Variants in ACVR1C observed in about 807,000 individuals in gnomAD.
ACVR1C encodes activin A receptor type 1C, also known as activin receptor type-1C.
A neutral mutation model predicts 57.9 loss-of-function variants in ACVR1C; 23 were observed. The ratio of observed to expected loss-of-function variants is 0.40; its 90% CI spans 0.29 to 0.56. The LOEUF is 0.56. Among genes scored for constraint, ACVR1C ranks in the 20% least tolerant of loss-of-function variants. The pLI is 0.50. For missense variants in ACVR1C, 480 were observed against 607.9 expected, an observed-to-expected ratio of 0.79 and a Z score of 2.21; for synonymous variants, 214 against 215.3, an observed-to-expected ratio of 0.99 and a Z score of 0.05.
intron 7 of ACVR1C, among the ~76,000 whole-genome samples, chr2:157,540,082 C>T (rs1181418394): frequency 6.6e-6 from 1 of 152,186 alleles, no homozygotes; most frequent in Non-Finnish European, 1.5e-5. Flanking sequence ...GTACTAAAAG[C>T]TTCACATGAA....
chr2:157,581,054 A>G (rs905625167), intron 2 of ACVR1C, among the ~76,000 whole-genome samples: 2 of 152,192 alleles, frequency 1.3e-5, no homozygotes, highest in African/African-American at 4.8e-5. Flanking sequence ...TTTGGCCCCA[A>G]AAACCTAATC....
At chr2:157,594,926 C>T (rs368219021) in intron 1 of ACVR1C, among the ~76,000 whole-genome samples, 16 of 152,256 alleles carry the variant, frequency 1.1e-4, no homozygotes, top group African/African-American at 3.6e-4. Context: ...ATGGAAAGGA[C>T]ACGTATGATG....
In ACVR1C at chr2:157,626,749, C is replaced by T. The variant is rs114977578; in HGVS notation, c.73+1823G>A. Among the ~76,000 whole-genome samples, 856 of 152,222 alleles carry T rather than the reference C, an allele frequency of 5.6e-3. 7 individuals carry two copies. The highest frequency in any genetic ancestry group is 0.019 in the African/African-American group (808 of 41,542). Reference sequence around the variant, plus strand: ...AGTTAAGAATAAATACTATAAGTAGCAATATACATTGTTAACGTGGGACAC... The same window carrying T: ...AGTTAAGAATAAATACTATAAGTAGTAATATACATTGTTAACGTGGGACAC... On this transcript the variant is annotated intron_variant, in intron 1 of 8. Transcript: ENST00000243349.
chr2:157,566,382 T>A (rs1688379069), intron 2 of ACVR1C, among the ~76,000 whole-genome samples: 1 of 152,164 alleles, frequency 6.6e-6, no homozygotes. Context: ...TAGGAACAGC[T>A]CCGGTCTATA....
chr2:157,583,337 C>T (rs1688834571), intron 2 of ACVR1C, among the ~76,000 whole-genome samples: 1 of 152,204 alleles, frequency 6.6e-6, no homozygotes, highest in Non-Finnish European at 1.5e-5. Context: ...AAGACCTGTT[C>T]TCTGATAACT....
intron 1 of ACVR1C, among the ~76,000 whole-genome samples, chr2:157,616,146 C>T (rs1480746398): frequency 2.0e-5 from 3 of 152,096 alleles, no homozygotes; most frequent in South Asian, 2.1e-4. Flanking sequence ...TCCATTTACA[C>T]ATATTTTATA....
chr2:157,597,445 AG>A, intron 1 of ACVR1C: 1 of 985,452 alleles, frequency 1.0e-6, no homozygotes, highest in Non-Finnish European at 1.2e-6. Context: ...GAATTTGCGA[AG>A]GGACACCCTG....
rs1688093573 is a variant in ACVR1C, at chr2:157,556,132, C to A, written c.505G>T (p.Asp169Tyr). 5.0e-6 allele frequency: 8 copies of A among 1,613,974 alleles called. No homozygotes were observed. Among genetic ancestry groups the A allele is most frequent in the South Asian group, 2.2e-5 (2 of 91,080 alleles). ...GAGGCGGTCACATCATAAATCAGAT[C>A]TTTCAGAGTTTTTCCAGCATTTACC... ...NLVNAGKTLK[D>Y]LIYDVTASGS... The change falls in exon 3 of 9, where the codon GAT (aspartate) becomes TAT (tyrosine). Residue 169 changes from aspartate to tyrosine, a missense_variant. By Grantham distance (160) the Asp-to-Tyr change is radical (BLOSUM62 -3). Transcript: ENST00000243349.
At chr2:157,570,496 G>C in intron 2 of ACVR1C, among the ~76,000 whole-genome samples, 1 of 76,208 alleles carries the variant, frequency 1.3e-5, no homozygotes, top group East Asian at 3.1e-4. Context: ...TCCTTAAGCT[G>C]ATAAGCAACT....
At chr2:157,617,806 T>C (rs1419986803) in intron 1 of ACVR1C, among the ~76,000 whole-genome samples, 8 of 151,974 alleles carry the variant, frequency 5.3e-5, no homozygotes, top group African/African-American at 1.9e-4. Context: ...CAAAATTATA[T>C]AATAAAACAA....
intron 1 of ACVR1C, among the ~76,000 whole-genome samples, chr2:157,617,723 C>T (rs1682684663): frequency 6.6e-6 from 1 of 151,776 alleles, no homozygotes; most frequent in African/African-American, 2.4e-5. Flanking sequence ...GTGTAATTTA[C>T]TTGGAGATGC....
intron 2 of ACVR1C, among the ~76,000 whole-genome samples, chr2:157,566,246 C>T (rs1573924726): frequency 6.6e-6 from 1 of 152,292 alleles, no homozygotes; most frequent in Middle Eastern, 3.4e-3. Flanking sequence ...CTCTCTGTTT[C>T]CCCAGCACAT....
intron 1 of ACVR1C, among the ~76,000 whole-genome samples, chr2:157,607,579 C>T (rs1289002862): frequency 2.0e-5 from 3 of 151,450 alleles, no homozygotes; most frequent in Non-Finnish European, 4.4e-5. Context: ...TTAACAATAC[C>T]TACTCTTCAG....
intron 2 of ACVR1C, among the ~76,000 whole-genome samples, chr2:157,575,477 A>C (rs1345309769): frequency 6.6e-6 from 1 of 152,120 alleles, no homozygotes; most frequent in Non-Finnish European, 1.5e-5. Flanking sequence ...CCACCTGGCC[A>C]AGGCTGGTCT....
At position 157,527,357 on chromosome 2, in the gene ACVR1C, C is replaced by A. The variant is rs936646065; in HGVS notation, c.*6561G>T. Reference sequence around the variant, plus strand: ...ATACTTAAGAGTATCAGCTAGCTTACAAAAAGTCTTTACAACGGTGATTCT... The same window carrying A: ...ATACTTAAGAGTATCAGCTAGCTTAAAAAAAGTCTTTACAACGGTGATTCT... On this transcript the variant is annotated 3_prime_UTR_variant, in exon 9 of 9. Coordinates refer to ENST00000243349, the MANE Select transcript of ACVR1C (RefSeq NM_145259.3). 6.6e-6 allele frequency: 1 copy of A among 152,070 alleles called. No homozygotes were observed. Among genetic ancestry groups the A allele is most frequent in the Non-Finnish European group, 1.5e-5 (1 of 68,000 alleles). 9.4% of individuals were successfully genotyped at this position (152,070 alleles called of 1,614,324 possible).
chr2:157,605,693 G>A (rs1169745599), intron 1 of ACVR1C, among the ~76,000 whole-genome samples: 1 of 151,512 alleles, frequency 6.6e-6, no homozygotes, highest in Non-Finnish European at 1.5e-5. Flanking sequence ...TGACACATAA[G>A]GTCTTATTTA....
At chr2:157,623,186 A>G (rs1038179937) in intron 1 of ACVR1C, among the ~76,000 whole-genome samples, 3 of 152,190 alleles carry the variant, frequency 2.0e-5, no homozygotes, top group Admixed American at 6.5e-5. Context: ...AACCACTAAG[A>G]AGAACCCTTT....
chr2:157,562,498 A>G (rs1385734594), intron 2 of ACVR1C, among the ~76,000 whole-genome samples: 2 of 146,966 alleles, frequency 1.4e-5, no homozygotes, highest in African/African-American at 4.9e-5. Context: ...ATAAAATAAA[A>G]TAAAATAAAA....
Position 157,628,672 on chromosome 2 carries a change from C to A in ACVR1C, c.-28G>T, listed in dbSNP as rs1459373806. Reference sequence around the variant, plus strand: ...CCACCAGGCGGCCGCGCCGGGGCTGCGAGGCCCCAGAGCAGAGCGAGGCAG... The same window carrying A: ...CCACCAGGCGGCCGCGCCGGGGCTGAGAGGCCCCAGAGCAGAGCGAGGCAG... On this transcript the variant is annotated 5_prime_UTR_variant, in exon 1 of 9. Coordinates refer to ENST00000243349, the MANE Select transcript of ACVR1C (RefSeq NM_145259.3). 1.9e-6 allele frequency: 3 copies of A among 1,540,962 alleles called. No individual in the cohort carries two copies. The highest frequency in any genetic ancestry group is 2.6e-6 in the Non-Finnish European group (3 of 1,145,562).
Sources: allele counts gnomAD v4.1 joint callset (sites outside exome capture counted in the v4.1 genomes callset), GRCh38; gene constraint gnomAD v4.1.1; transcripts MANE v1.5; gene names NCBI Gene and HGNC (gene_info 2026-07-23, HGNC 2026-07-21).